PTPRD: variants seen among roughly 807,000 people sequenced by gnomAD.
The protein encoded by PTPRD is protein tyrosine phosphatase receptor type D, also known as receptor-type tyrosine-protein phosphatase delta.
Under a neutral mutation model 214.5 loss-of-function variants are expected in PTPRD, and 34 were observed. The ratio of observed to expected loss-of-function variants is 0.16; its 90% CI spans 0.12 to 0.21. PTPRD has a LOEUF of 0.21. PTPRD is among the 10% of genes least tolerant of loss of function. The probability of loss-of-function intolerance (pLI) is 1.00; values close to 1 mark genes in which losing one functional copy is unlikely to be tolerated. For synonymous variants in PTPRD, 1,128 were observed against 845.7 expected (o/e 1.33, Z -5.79); for missense variants, 2,545 against 2,398.7 (o/e 1.06, Z -1.27).
intron 3 of PTPRD, among the ~76,000 whole-genome samples, chr9:10,208,822 A>G (rs954401959): frequency 6.6e-6 from 1 of 152,122 alleles, no homozygotes; most frequent in East Asian, 1.9e-4. Flanking sequence ...ATGCTTATTA[A>G]TTAAGTGTGG....
chr9:9,017,278 A>G (rs2099539855), intron 11 of PTPRD, among the ~76,000 whole-genome samples: 1 of 152,152 alleles, frequency 6.6e-6, no homozygotes, highest in Non-Finnish European at 1.5e-5. Flanking sequence ...AAGAAAGGTC[A>G]TCTTGCTGAA....
intron 12 of PTPRD, among the ~76,000 whole-genome samples, chr9:8,659,259 T>G (rs1283641107): frequency 6.6e-6 from 1 of 152,162 alleles, no homozygotes; most frequent in Non-Finnish European, 1.5e-5. Context: ...CTGAGACACT[T>G]TGGCTGCAAG....
chr9:9,355,207 G>T (rs1326820669), intron 9 of PTPRD, among the ~76,000 whole-genome samples: 2 of 151,574 alleles, frequency 1.3e-5, no homozygotes, highest in Non-Finnish European at 3.0e-5. Flanking sequence ...TTATTTTCTG[G>T]TTTTTATATA....
intron 27 of PTPRD, among the ~76,000 whole-genome samples, chr9:8,491,175 A>T (rs1022132566): frequency 5.3e-5 from 8 of 152,228 alleles, no homozygotes; most frequent in Non-Finnish European, 7.3e-5. Context: ...AGGCATCTAA[A>T]TTACAAGCAT....
intron 9 of PTPRD, among the ~76,000 whole-genome samples, chr9:9,332,560 A>G (rs766452694): frequency 2.4e-4 from 32 of 131,478 alleles, no homozygotes; most frequent in South Asian, 5.1e-4. Flanking sequence ...AAACAAAATT[A>G]AGAAAATAGA....
chr9:8,980,090 G>C (rs965691760), intron 11 of PTPRD, among the ~76,000 whole-genome samples: 1 of 152,030 alleles, frequency 6.6e-6, no homozygotes, highest in East Asian at 1.9e-4. Context: ...AACTTGGATG[G>C]ACCTAAAGGA....
intron 2 of PTPRD, among the ~76,000 whole-genome samples, chr9:10,439,130 C>T (rs2098742019): frequency 6.6e-6 from 1 of 151,814 alleles, no homozygotes; most frequent in Non-Finnish European, 1.5e-5. Context: ...ACTGTCAACT[C>T]ACAGCATGTT....
intron 5 of PTPRD, among the ~76,000 whole-genome samples, chr9:9,810,875 G>C (rs1247169651): frequency 6.6e-6 from 1 of 151,506 alleles, no homozygotes; most frequent in African/African-American, 2.4e-5. Flanking sequence ...CATCTGGAAA[G>C]GATTCAGCAT....
At chr9:10,403,048 A>G (rs1265660826) in intron 2 of PTPRD, among the ~76,000 whole-genome samples, 1 of 151,298 alleles carries the variant, frequency 6.6e-6, no homozygotes, top group African/African-American at 2.4e-5. Flanking sequence ...CCACATCAAC[A>G]TAAATAGTTT....
intron 11 of PTPRD, among the ~76,000 whole-genome samples, chr9:8,797,872 T>C (rs943754952): frequency 7.2e-6 from 1 of 139,152 alleles, no homozygotes; most frequent in Non-Finnish European, 1.5e-5. Context: ...TAACAGAATT[T>C]TTTTTTTTTT....
chr9:9,901,783 AG>A (rs1421927585), intron 5 of PTPRD, among the ~76,000 whole-genome samples: 1 of 152,134 alleles, frequency 6.6e-6, no homozygotes, highest in Non-Finnish European at 1.5e-5. Flanking sequence ...GGGAGGCCCC[AG>A]GAAACTTACA....
At chr9:8,670,793 A>G (rs1055647795) in intron 12 of PTPRD, among the ~76,000 whole-genome samples, 1 of 152,210 alleles carries the variant, frequency 6.6e-6, no homozygotes, top group Non-Finnish European at 1.5e-5. Flanking sequence ...GTGGATGACC[A>G]CTGGGTATGT....
intron 8 of PTPRD, among the ~76,000 whole-genome samples, chr9:9,403,237 G>A (rs897289320): frequency 1.6e-5 from 2 of 126,966 alleles, no homozygotes; most frequent in African/African-American, 6.1e-5. Context: ...GTCTCAGTAA[G>A]CTGACATTGT....
Position 10,286,278 on chromosome 9 carries a change from A to C in PTPRD, c.-545+54685T>G, listed in dbSNP as rs1240929082. On this transcript the variant is annotated intron_variant, in intron 3 of 45. Transcript: ENST00000381196. ...CAACATAGCAAAACCCCGTCTCTACAAAAAAATTCAAAAATTAGCCAGGCA... is the reference window on the plus strand; with the variant it reads ...CAACATAGCAAAACCCCGTCTCTACCAAAAAATTCAAAAATTAGCCAGGCA... 2.6e-5 allele frequency among the ~76,000 whole-genome samples: 4 copies of C among 151,980 alleles called. No homozygotes were observed. The East Asian group carries it at 7.8e-4, about 30-fold the overall frequency.
chr9:10,381,210 A>G (rs1419726811), intron 2 of PTPRD, among the ~76,000 whole-genome samples: 1 of 151,706 alleles, frequency 6.6e-6, no homozygotes, highest in Non-Finnish European at 1.5e-5. Flanking sequence ...TTATTTTCTG[A>G]CCACACATCG....
chr9:9,933,092 A>C (rs190800306), intron 5 of PTPRD, among the ~76,000 whole-genome samples: 3,522 of 152,002 alleles, frequency 0.023, 60 homozygotes, highest in African/African-American at 0.082. Context: ...AAACATGGAA[A>C]GGAACAACTG....
chr9:9,945,481 A>T (rs1168848739), intron 4 of PTPRD, among the ~76,000 whole-genome samples: 1 of 152,178 alleles, frequency 6.6e-6, no homozygotes, highest in Admixed American at 6.5e-5. Flanking sequence ...TGAAATATGC[A>T]GGAAGTCAGA....
intron 10 of PTPRD, among the ~76,000 whole-genome samples, chr9:9,159,356 TATC>T (rs1409797638): frequency 1.3e-5 from 2 of 152,174 alleles, no homozygotes; most frequent in Non-Finnish European, 2.9e-5. Context: ...CAAACAAACT[TATC>T]ATTGTTGCAG....
At chr9:9,454,338 G>A (rs2092686236) in intron 8 of PTPRD, among the ~76,000 whole-genome samples, 1 of 151,736 alleles carries the variant, frequency 6.6e-6, no homozygotes, top group Admixed American at 6.6e-5. Context: ...GAATTGGGAA[G>A]ACATACCAGC....
Sources: gnomAD v4.1 joint callset for allele counts (sites outside exome capture counted in the v4.1 genomes callset) on GRCh38, gnomAD v4.1.1 for gene constraint, MANE v1.5 for transcripts, NCBI Gene and HGNC (gene_info 2026-07-23, HGNC 2026-07-21) for gene names.